Variants in SYN3 observed in about 807,000 individuals in gnomAD.
The protein encoded by SYN3 is synapsin-3.
A neutral mutation model predicts 65.8 loss-of-function variants in SYN3; 35 were observed. The observed-to-expected ratio is 0.53, with a 90% CI of 0.41 to 0.70. SYN3 has a LOEUF of 0.70. Among genes scored for constraint, SYN3 ranks in the 30% least tolerant of loss-of-function variants. The pLI is 0.00. For synonymous variants in SYN3, 270 were observed against 292.9 expected (o/e 0.92, Z 0.80); for missense variants, 680 against 749.0 (o/e 0.91, Z 1.08).
intron 4 of SYN3, among the ~76,000 whole-genome samples, chr22:32,902,937 C>G (rs2049802708): frequency 6.6e-6 from 1 of 151,460 alleles, no homozygotes; most frequent in South Asian, 2.1e-4. Context: ...AGGTTTAGAG[C>G]AGTTAATAAC....
At chr22:32,961,991 G>T (rs1028828402) in intron 3 of SYN3, among the ~76,000 whole-genome samples, 1 of 152,064 alleles carries the variant, frequency 6.6e-6, no homozygotes, top group Admixed American at 6.6e-5. Flanking sequence ...ATCTGATCCC[G>T]GGTACAGCTC....
intron 6 of SYN3, among the ~76,000 whole-genome samples, chr22:32,750,436 T>G (rs2045081487): frequency 6.6e-6 from 1 of 152,160 alleles, no homozygotes; most frequent in South Asian, 2.1e-4. Flanking sequence ...CTATTAGAGC[T>G]CTTATTGCCT....
intron 4 of SYN3, among the ~76,000 whole-genome samples, chr22:32,890,245 A>C (rs1214688618): frequency 6.6e-6 from 1 of 151,138 alleles, no homozygotes; most frequent in South Asian, 2.1e-4. Flanking sequence ...TTCCTGGCTA[A>C]TTTGTGTATC....
At chr22:32,603,937 C>T (rs1273477221) in intron 6 of SYN3, among the ~76,000 whole-genome samples, 1 of 152,190 alleles carries the variant, frequency 6.6e-6, no homozygotes, top group Non-Finnish European at 1.5e-5. Context: ...GAGATCCCCA[C>T]CCAGATAAGG....
At chr22:32,631,962 C>T (rs878990494) in intron 6 of SYN3, among the ~76,000 whole-genome samples, 1 of 152,200 alleles carries the variant, frequency 6.6e-6, no homozygotes, top group Admixed American at 6.5e-5. Flanking sequence ...GCCTTTGGCT[C>T]TTAGATTGAC....
chr22:32,665,351 T>G (rs1160300492), intron 6 of SYN3, among the ~76,000 whole-genome samples: 1 of 44 alleles, frequency 0.023, no homozygotes, highest in East Asian at 0.25. Context: ...CTCCTACTGA[T>G]GAGTGAGGAA....
At chr22:32,516,257 G>A (rs2057772317) in intron 13 of SYN3, among the ~76,000 whole-genome samples, 1 of 152,114 alleles carries the variant, frequency 6.6e-6, no homozygotes, top group Admixed American at 6.5e-5. Flanking sequence ...AGGACACATA[G>A]GAACTAACAA....
chr22:32,646,467 C>T (rs1032364884), intron 6 of SYN3, among the ~76,000 whole-genome samples: 3 of 152,162 alleles, frequency 2.0e-5, no homozygotes, highest in Admixed American at 2.0e-4. Context: ...CTCATAAGGT[C>T]GCTTATTTAG....
chr22:33,051,917 T>G (rs1470697510), intron 1 of SYN3, among the ~76,000 whole-genome samples: 1 of 152,088 alleles, frequency 6.6e-6, no homozygotes, highest in Non-Finnish European at 1.5e-5. Context: ...AAAGAAAGCG[T>G]GTATCTTCAG....
intron 4 of SYN3, among the ~76,000 whole-genome samples, chr22:32,869,538 C>T (rs888283658): frequency 6.6e-6 from 1 of 152,020 alleles, no homozygotes; most frequent in Non-Finnish European, 1.5e-5. Flanking sequence ...TTGTCATCAA[C>T]TCCCATTTCA....
chr22:32,763,327 T>C (rs1360357019), intron 6 of SYN3, among the ~76,000 whole-genome samples: 1 of 151,126 alleles, frequency 6.6e-6, no homozygotes, highest in Non-Finnish European at 1.5e-5. Flanking sequence ...TTTTTTTGCA[T>C]TATTTAGTAG....
At position 32,594,263 on chromosome 22, in the gene SYN3, C is replaced by T. The variant is rs568970329; in HGVS notation, c.774+2411G>A. On this transcript the variant is annotated intron_variant, in intron 7 of 13. Transcript: ENST00000358763. ...GGGTGCCACTCAGGGCTCTGGGATA[C>T]AGCAGTGGAAAACCAGGCAGAACTT... Among the ~76,000 whole-genome samples, 3 of 152,264 alleles carry T rather than the reference C, an allele frequency of 2.0e-5. No individual in the cohort carries two copies. The South Asian group carries it at 6.2e-4, about 32-fold the overall frequency.
At chr22:32,681,504 T>A (rs1569146764) in intron 6 of SYN3, among the ~76,000 whole-genome samples, 1 of 152,192 alleles carries the variant, frequency 6.6e-6, no homozygotes, top group Non-Finnish European at 1.5e-5. Flanking sequence ...TATGATCCCA[T>A]TTACCATATG....
intron 6 of SYN3, among the ~76,000 whole-genome samples, chr22:32,761,359 G>A (rs941450932): frequency 6.6e-6 from 1 of 152,158 alleles, no homozygotes; most frequent in Non-Finnish European, 1.5e-5. Context: ...AGGGGTGGCC[G>A]ATAGAAGCCA....
chr22:32,769,210 T>C (rs1333287355), intron 6 of SYN3, among the ~76,000 whole-genome samples: 1 of 150,934 alleles, frequency 6.6e-6, no homozygotes, highest in Non-Finnish European at 1.5e-5. Flanking sequence ...CCCCCTGTTC[T>C]ACTTTACAGC....
intron 4 of SYN3, among the ~76,000 whole-genome samples, chr22:32,891,582 C>T (rs193062835): frequency 3.3e-5 from 5 of 152,298 alleles, no homozygotes; most frequent in East Asian, 1.9e-4. Context: ...GCTTGCCATC[C>T]GACTTCGGTT....
chr22:33,055,904 A>G (rs2054246883), intron 1 of SYN3, among the ~76,000 whole-genome samples: 1 of 152,214 alleles, frequency 6.6e-6, no homozygotes, highest in Admixed American at 6.5e-5. Context: ...CTCAATACAC[A>G]TTGATTGATT....
intron 6 of SYN3, among the ~76,000 whole-genome samples, chr22:32,759,259 C>T (rs143112438): frequency 3.3e-5 from 5 of 152,210 alleles, no homozygotes; most frequent in African/African-American, 1.2e-4. Context: ...AATTATTAGC[C>T]GTGTAGGCTT....
intron 3 of SYN3, among the ~76,000 whole-genome samples, chr22:32,964,272 G>C (rs1212211841): frequency 1.6e-5 from 2 of 125,876 alleles, no homozygotes; most frequent in Non-Finnish European, 3.2e-5. Context: ...ACACACCGGG[G>C]CCTGTTGTGG....
Sources: allele counts gnomAD v4.1 joint callset (sites outside exome capture counted in the v4.1 genomes callset), GRCh38; gene constraint gnomAD v4.1.1; transcripts MANE v1.5; gene names NCBI Gene and HGNC (gene_info 2026-07-23, HGNC 2026-07-21).